The following CNPPD1 variants were observed in gnomAD, a reference collection of about 807,000 sequenced individuals.
CNPPD1 encodes the protein cyclin Pas1/PHO80 domain containing 1, also known as protein CNPPD1.
A neutral mutation model predicts 43.7 loss-of-function variants in CNPPD1; 40 were observed. The observed-to-expected ratio is 0.92, with a 90% CI of 0.71 to 1.19. CNPPD1 has a LOEUF of 1.19. CNPPD1 is among the 50% of genes most tolerant of loss of function. The probability of loss-of-function intolerance (pLI) is 0.00; values close to 1 mark genes in which losing one functional copy is unlikely to be tolerated. For missense variants in CNPPD1, 511 were observed against 518.5 expected (o/e 0.99, Z 0.14); for synonymous variants, 208 against 214.3 (o/e 0.97, Z 0.26).
chr2:219,175,360 G>A (rs993349371), intron 3 of CNPPD1, among the ~76,000 whole-genome samples: 6 of 152,042 alleles, frequency 3.9e-5, no homozygotes, highest in Admixed American at 1.3e-4. Flanking sequence ...AGCCAGGGGC[G>A]GTGGTGTGTG....
Position 219,176,785 on chromosome 2 carries a change from G to A in CNPPD1, c.44C>T (p.Ser15Phe), listed in dbSNP as rs747076436. 1 of 1,584,996 alleles carries A rather than the reference G, an allele frequency of 6.3e-7. No homozygotes were observed. Among genetic ancestry groups the A allele is most frequent in the Non-Finnish European group, 8.6e-7 (1 of 1,166,328 alleles). ...GLLLDEEGTF[S>F]LAGFQDFTFL... ...CGTGAAGTCCTGGAAGCCGGCGAGG[G>A]AGAAGGTGCCTTCTTCGTCCAGCAG... Residue 15 changes from serine (S) to phenylalanine (F), a missense_variant, in exon 1 of 8, where the codon TCC becomes TTC. Transcript: ENST00000360507.
chr2:219,172,902 C>A lies in CNPPD1; in HGVS notation c.917G>T (p.Arg306Leu), dbSNP rs375291651. 6.2e-7 allele frequency: 1 copy of A among 1,609,800 alleles called. No homozygotes were observed. The highest frequency in any genetic ancestry group is 8.5e-7 in the Non-Finnish European group (1 of 1,177,688). Reference sequence around the variant, plus strand: ...GGCCAGAAGACTGCCCCAGAGTGACCGCAGCCCCATGCTGCCTTCCAGGCA... The same window carrying A: ...GGCCAGAAGACTGCCCCAGAGTGACAGCAGCCCCATGCTGCCTTCCAGGCA... Reference protein sequence around the residue: ...SSCLEGSMGLRSLWGSLLASL... With the variant: ...SSCLEGSMGLLSLWGSLLASL... Residue 306 changes from arginine (R) to leucine (L), a missense_variant, in exon 8 of 8, where the codon CGG becomes CTG. Physicochemically the swap from Arg to Leu is moderately radical, Grantham distance 102 (BLOSUM62 -2). Transcript: ENST00000360507.
chr2:219,176,936 G>A (rs1950178866), upstream of CNPPD1: 7 of 978,798 alleles, frequency 7.2e-6, no homozygotes, highest in East Asian at 3.0e-5. Flanking sequence ...GCCTCCCCGG[G>A]GCGGGCCGCC....
At chr2:219,176,102 T>A (rs1950154124) in intron 2 of CNPPD1, 121 bp downstream of exon 2, 1 of 716,008 alleles carries the variant, frequency 1.4e-6, no homozygotes, top group African/African-American at 1.8e-5. Context: ...TTGAACCAAG[T>A]ACCAACGAGC....
chr2:219,176,673 G>A, intron 1 of CNPPD1, 87 bp downstream of exon 1: 1 of 1,066,076 alleles, frequency 9.4e-7, no homozygotes, highest in Non-Finnish European at 1.4e-6. Context: ...GCCCAGTCCC[G>A]GCACAGCAGT....
chr2:219,172,506 G>A lies in CNPPD1; in HGVS notation c.*80C>T. The A allele has an allele frequency of 6.7e-7, 1 of 1,487,530 alleles. No individual in the cohort carries two copies. The highest frequency in any genetic ancestry group is 9.4e-7 in the Non-Finnish European group (1 of 1,069,514). 92.1% of individuals were successfully genotyped at this position (1,487,530 alleles called of 1,614,324 possible). On this transcript the variant is annotated 3_prime_UTR_variant, in exon 8 of 8. Coordinates refer to ENST00000360507, the MANE Select transcript of CNPPD1 (RefSeq NM_015680.6). ...GACCTGCCAAGGACCCAGCGAGGCA[G>A]ACAGGATCTGAATCAAGCTTTGCTC...
intron 6 of CNPPD1, 50 bp downstream of exon 6, chr2:219,174,096 A>G: frequency 6.6e-7 from 1 of 1,524,408 alleles, no homozygotes; most frequent in Non-Finnish European, 9.1e-7. Context: ...ATGGCTGAGG[A>G]CTCAGCCCCC....
At position 219,172,690 on chromosome 2, in the gene CNPPD1, A is replaced by AG. The variant is rs764842458; in HGVS notation, c.1128dup (p.Trp377LeufsTer50). ...GAAAGGAGCACCGGGCTCCAAGGCC[A>AG]GGGGGGAGCCAGGCCATAGGTATGG... is the stretch of plus-strand genomic sequence containing the variant. On this transcript the variant is annotated frameshift_variant, in exon 8 of 8. Coordinates refer to ENST00000360507, the MANE Select transcript of CNPPD1 (RefSeq NM_015680.6). LOFTEE classifies it high-confidence loss of function. 29 of 1,613,638 alleles carry AG rather than the reference A, an allele frequency of 1.8e-5. No individual in the cohort carries two copies. In the East Asian group the frequency reaches 5.8e-4, roughly 32 times the overall value.
chr2:219,173,326 C>T, intron 7 of CNPPD1, 24 bp downstream of exon 7: 3 of 1,601,214 alleles, frequency 1.9e-6, no homozygotes, highest in Non-Finnish European at 2.6e-6. Flanking sequence ...CTCAAGCTCC[C>T]TATCCTTCCG....
chr2:219,173,165 T>C (rs555892785), intron 7 of CNPPD1, 37 bp from the exon 8 acceptor site: 141 of 1,530,254 alleles, frequency 9.2e-5, no homozygotes, highest in Middle Eastern at 7.1e-4. Flanking sequence ...GAATCTGTCT[T>C]TAACACATTC....
intron 3 of CNPPD1, 95 bp from the exon 4 acceptor site, chr2:219,175,203 G>GA (rs1041339209): frequency 8.3e-6 from 12 of 1,446,048 alleles, no homozygotes; most frequent in African/African-American, 1.4e-5. Flanking sequence ...CTTATCTTTG[G>GA]AAAAAAACTA....
chr2:219,177,785 GAAAC>G (rs1488442604), upstream of CNPPD1: 2 of 152,214 alleles, frequency 1.3e-5, no homozygotes, highest in Non-Finnish European at 2.9e-5. Context: ...AGATAGGAAA[GAAAC>G]AACTTTTCTG....
rs764842458 is a variant in CNPPD1, at chr2:219,172,690, AG to A, written c.1128del (p.Trp377GlyfsTer36). The A allele has an allele frequency of 3.1e-6, 5 of 1,613,634 alleles. No individual in the cohort carries two copies. In the African/African-American group the frequency reaches 4.0e-5, roughly 13 times the overall value. ...GAAAGGAGCACCGGGCTCCAAGGCC[AG>A]GGGGGAGCCAGGCCATAGGTATGGT... ...PWYHTYGLAP[P>X]WPWSPVLLSL... is the part of the protein sequence containing the mutation. On this transcript the variant is annotated frameshift_variant, in exon 8 of 8. Coordinates refer to ENST00000360507, the MANE Select transcript of CNPPD1 (RefSeq NM_015680.6). LOFTEE classifies it high-confidence loss of function.
chr2:219,177,703 G>C (rs1394590183), upstream of CNPPD1: 1 of 152,152 alleles, frequency 6.6e-6, no homozygotes, highest in East Asian at 1.9e-4. Flanking sequence ...CCCACCTCCC[G>C]CCTCCGATCT....
In CNPPD1 at chr2:219,175,678, A is replaced by C; in HGVS notation, c.179-6T>G. ...GAGCAGTTCGACAGCAATGTCTGCA[A>C]GGGACAGAAGGAAGGCCGAGTGAGC... On this transcript the variant is annotated splice_region_variant and splice_polypyrimidine_tract_variant and intron_variant, in intron 2 of 7. Transcript: ENST00000360507. The C allele has an allele frequency of 6.2e-7, 1 of 1,613,632 alleles. No individual in the cohort carries two copies. Among genetic ancestry groups the C allele is most frequent in the East Asian group, 2.2e-5 (1 of 44,862 alleles).
chr2:219,176,882 G>A lies in CNPPD1; in HGVS notation c.-54C>T, dbSNP rs1038141568. 5 of 1,469,286 alleles carry A rather than the reference G, an allele frequency of 3.4e-6. No homozygotes were observed. The East Asian group carries it at 1.3e-4, about 37-fold the overall frequency. 91.0% of individuals were successfully genotyped at this position (1,469,286 alleles called of 1,614,324 possible). ...TGAACGGAAGGAAACGAGTTGTAGG[G>A]GGCTCGCGGAGCTGTCCTTGCCCGC... On this transcript the variant is annotated 5_prime_UTR_variant, in exon 1 of 8. Coordinates refer to ENST00000360507, the MANE Select transcript of CNPPD1 (RefSeq NM_015680.6).
intron 6 of CNPPD1, 131 bp downstream of exon 6, chr2:219,174,015 C>A: frequency 1.1e-6 from 1 of 883,110 alleles, no homozygotes; most frequent in Non-Finnish European, 1.9e-6. Context: ...GGTCTGGGAA[C>A]CACTATCTGG....
intron 2 of CNPPD1, 80 bp downstream of exon 2, chr2:219,176,143 C>G (rs1950154608): frequency 2.8e-6 from 3 of 1,057,532 alleles, no homozygotes; most frequent in Non-Finnish European, 4.4e-6. Context: ...AGCCACGGGG[C>G]AAACCTCGAG....
rs201411225 is a variant in CNPPD1 at position 219,174,836 on chromosome 2, G to A, written c.452C>T (p.Ala151Val). 2 of 1,613,954 alleles carry A rather than the reference G, an allele frequency of 1.2e-6. No homozygotes were observed. Among genetic ancestry groups the A allele is most frequent in the African/African-American group, 2.7e-5 (2 of 74,918 alleles). ...GAGAGTGGGCACGGCCACACCCCCA[G>A]CAGCTCCCCATTCGTCGTTGAAGAC... ...EEVFNDEWGA[A>V]GGVAVPTLNA... The change falls in exon 5 of 8, where the codon GCT (alanine) becomes GTT (valine). Residue 151 changes from alanine to valine, a missense_variant. By Grantham distance (64) the Ala-to-Val change is moderately conservative (BLOSUM62 0). Coordinates refer to ENST00000360507, the MANE Select transcript of CNPPD1 (RefSeq NM_015680.6).
Sources: gnomAD v4.1 joint callset for allele counts (sites outside exome capture counted in the v4.1 genomes callset) on GRCh38, gnomAD v4.1.1 for gene constraint, MANE v1.5 for transcripts, NCBI Gene and HGNC (gene_info 2026-07-23, HGNC 2026-07-21) for gene names.